The following ADAMTS17 variants were observed in gnomAD, a reference collection of about 807,000 sequenced individuals.
ADAMTS17 encodes A disintegrin and metalloproteinase with thrombospondin motifs 17.
In ADAMTS17, 113 loss-of-function variants were observed where a neutral mutation model predicts 141.5. That is an observed-to-expected ratio of 0.80 (90% CI 0.69 to 0.93). ADAMTS17 has a LOEUF of 0.93. Among genes scored for constraint, ADAMTS17 ranks in the 40% least tolerant of loss-of-function variants. ADAMTS17 has a pLI of 0.00. For synonymous variants in ADAMTS17, 768 were observed against 630.6 expected (o/e 1.22, Z -3.27); for missense variants, 1,659 against 1,517.9 (o/e 1.09, Z -1.54).
chr15:100,283,962 C>T (rs1016588282), intron 3 of ADAMTS17, among the ~76,000 whole-genome samples: 2 of 152,082 alleles, frequency 1.3e-5, no homozygotes, highest in African/African-American at 2.4e-5. Context: ...AAAAATTAGC[C>T]AGGCATGGTG....
chr15:100,113,239 T>G (rs929169676), intron 13 of ADAMTS17, among the ~76,000 whole-genome samples: 1 of 152,204 alleles, frequency 6.6e-6, no homozygotes, highest in Non-Finnish European at 1.5e-5. Context: ...CTGCTCGTGG[T>G]TGACGGATCC....
chr15:100,199,140 G>T (rs2041227062), intron 8 of ADAMTS17, among the ~76,000 whole-genome samples, 178 bp downstream of exon 8: 1 of 149,724 alleles, frequency 6.7e-6, no homozygotes, highest in Non-Finnish European at 1.5e-5. Flanking sequence ...GCCAATCGGT[G>T]CAGTCATCTC....
At position 99,997,437 on chromosome 15, in the gene ADAMTS17, C is replaced by G; in HGVS notation, c.2744G>C (p.Ser915Thr). The G allele has an allele frequency of 6.2e-7, 1 of 1,613,726 alleles. No homozygotes were observed. Among genetic ancestry groups the G allele is most frequent in the Non-Finnish European group, 8.5e-7 (1 of 1,180,010 alleles). Residue 915 changes from serine (S) to threonine (T), a missense_variant, in exon 19 of 22, where the codon AGC (serine) becomes ACC (threonine). By Grantham distance (58) the Ser-to-Thr change is moderately conservative (BLOSUM62 1). Transcript: ENST00000268070. This position sits in a 1 kb window ranked among gnomAD's most constrained non-coding sequence, Gnocchi z 4.7. Reference sequence around the variant, plus strand: ...GGACAGGCAGTCCTGGCCTTCACAGCTCTGCACTGCCGCCGGCCGGGGGCC... The same window carrying G: ...GGACAGGCAGTCCTGGCCTTCACAGGTCTGCACTGCCGCCGGCCGGGGGCC... The part of the protein sequence containing the change: ...CPGPRPAAVQ[S>T]CEGQDCLSIW...
chr15:100,072,246 G>A (rs2034026578), intron 15 of ADAMTS17, among the ~76,000 whole-genome samples: 1 of 147,728 alleles, frequency 6.8e-6, no homozygotes, highest in Admixed American at 6.8e-5. Context: ...ACTGCTCAAT[G>A]AAATAAAAGA....
At chr15:100,097,368 G>A (rs1596412608) in intron 14 of ADAMTS17, among the ~76,000 whole-genome samples, 1 of 152,152 alleles carries the variant, frequency 6.6e-6, no homozygotes, top group African/African-American at 2.4e-5. Flanking sequence ...GACTCCAAAG[G>A]GATCTACAGC....
At chr15:100,333,744 CAG>C (rs1200630842) in intron 2 of ADAMTS17, among the ~76,000 whole-genome samples, 4 of 152,204 alleles carry the variant, frequency 2.6e-5, no homozygotes, top group Non-Finnish European at 5.9e-5. Flanking sequence ...AAGGGAGACT[CAG>C]GGAAATGTTT....
chr15:100,088,665 G>C (rs545910250), intron 15 of ADAMTS17, among the ~76,000 whole-genome samples: 1 of 152,104 alleles, frequency 6.6e-6, no homozygotes, highest in South Asian at 2.1e-4. Context: ...GAACAGAACA[G>C]AGCCCTCAGA....
chr15:100,059,405 G>C (rs924848129), intron 15 of ADAMTS17, among the ~76,000 whole-genome samples: 2 of 152,038 alleles, frequency 1.3e-5, no homozygotes, highest in African/African-American at 4.8e-5. Context: ...CCGGGGAGAG[G>C]AAAACACAGG....
At chr15:100,000,700 G>A (rs2060903294) in intron 18 of ADAMTS17, among the ~76,000 whole-genome samples, 1 of 151,896 alleles carries the variant, frequency 6.6e-6, no homozygotes, top group Admixed American at 6.6e-5. Context: ...TTTTAGTAGA[G>A]ACGGGTTTCA....
intron 7 of ADAMTS17, among the ~76,000 whole-genome samples, chr15:100,228,747 A>T (rs1296128952): frequency 6.6e-6 from 1 of 152,176 alleles, no homozygotes; most frequent in East Asian, 1.9e-4. Flanking sequence ...TGCCACAGCA[A>T]TGCTCTGCCT....
At chr15:100,229,749 T>C (rs1303263232) in intron 7 of ADAMTS17, among the ~76,000 whole-genome samples, 1 of 152,180 alleles carries the variant, frequency 6.6e-6, no homozygotes, top group Non-Finnish European at 1.5e-5. Flanking sequence ...AACTGCAAAG[T>C]TCCCTCTCCC....
intron 12 of ADAMTS17, among the ~76,000 whole-genome samples, chr15:100,121,443 CAA>C (rs1170635458): frequency 6.6e-6 from 1 of 151,994 alleles, no homozygotes; most frequent in Non-Finnish European, 1.5e-5. Context: ...TTGAAAGCAC[CAA>C]GAGAGAAGTG....
chr15:100,331,023 A>T lies in ADAMTS17; in HGVS notation c.482T>A (p.Val161Glu). ...GGAGTTGTTGAGGGGCTGGATTAGCACCTGCTCCTGCCCAAGCTGAATGAG... is the reference window on the plus strand; with the variant it reads ...GGAGTTGTTGAGGGGCTGGATTAGCTCCTGCTCCTGCCCAAGCTGAATGAG... The part of the protein sequence containing the change: ...VGLIQLGQEQ[V>E]LIQPLNNSQG... The change falls in exon 3 of 22, where the codon GTG (valine) becomes GAG (glutamate). Residue 161 changes from valine to glutamate, a missense_variant. Physicochemically the swap from Val to Glu is moderately radical, Grantham distance 121. Coordinates refer to ENST00000268070, the MANE Select transcript of ADAMTS17 (RefSeq NM_139057.4). The T allele has an allele frequency of 6.2e-7, 1 of 1,614,100 alleles. No individual in the cohort carries two copies. The highest frequency in any genetic ancestry group is 8.5e-7 in the Non-Finnish European group (1 of 1,180,046).
chr15:100,329,978 AAAGAT>A (rs1412958617), intron 3 of ADAMTS17, among the ~76,000 whole-genome samples: 1 of 152,226 alleles, frequency 6.6e-6, no homozygotes, highest in East Asian at 1.9e-4. Context: ...ATTTTCATAC[AAAGAT>A]AAGTCTTTAA....
In ADAMTS17 at chr15:99,991,619, C is replaced by T. The variant is rs1386536141; in HGVS notation, c.2949+1429G>A. ...CATTGTGAAAGACAGTGTGGCGATTCCTCAAGGATCTAGAACCAGAAATAC... is the reference window on the plus strand; with the variant it reads ...CATTGTGAAAGACAGTGTGGCGATTTCTCAAGGATCTAGAACCAGAAATAC... On this transcript the variant is annotated intron_variant, in intron 20 of 21. Coordinates refer to ENST00000268070, the MANE Select transcript of ADAMTS17 (RefSeq NM_139057.4). 3.3e-5 allele frequency among the ~76,000 whole-genome samples: 5 copies of T among 152,192 alleles called. 1 individual carries two copies. The highest frequency in any genetic ancestry group is 1.3e-4 in the Admixed American group (2 of 15,284).
chr15:100,009,232 G>C (rs1180689504), intron 18 of ADAMTS17, among the ~76,000 whole-genome samples: 1 of 152,160 alleles, frequency 6.6e-6, no homozygotes, highest in African/African-American at 2.4e-5. Flanking sequence ...CCTTTACAGA[G>C]GGAGAAAACA....
rs997347931 is a variant in ADAMTS17, at chr15:99,993,491, G to A, written c.2797-291C>T. ...GAGTGGAATTCAGTGGCCACTTGTCGGGTCCAAAAGCTCAAGGCAATACGT... is the reference window on the plus strand; with the variant it reads ...GAGTGGAATTCAGTGGCCACTTGTCAGGTCCAAAAGCTCAAGGCAATACGT... On this transcript the variant is annotated intron_variant, in intron 19 of 21. Transcript: ENST00000268070. This position sits in a 1 kb window ranked among gnomAD's most constrained non-coding sequence, Gnocchi z 4.3. Among the ~76,000 whole-genome samples, 46 of 152,098 alleles carry A rather than the reference G, an allele frequency of 3.0e-4. No homozygotes were observed. Among genetic ancestry groups the A allele is most frequent in the African/African-American group, 9.7e-4 (40 of 41,420 alleles).
In ADAMTS17 at chr15:99,997,335, C is replaced by T. The variant is rs371076042; in HGVS notation, c.2796+50G>A. 4.4e-6 allele frequency: 7 copies of T among 1,600,240 alleles called. No individual in the cohort carries two copies. The highest frequency in any genetic ancestry group is 1.7e-5 in the Admixed American group (1 of 59,986). On this transcript the variant is annotated intron_variant, in intron 19 of 21. Coordinates refer to ENST00000268070, the MANE Select transcript of ADAMTS17 (RefSeq NM_139057.4). This position sits in a 1 kb window ranked among gnomAD's most constrained non-coding sequence, Gnocchi z 4.7. ...CAGAATGTCACCAATACCATGGCAC[C>T]GTGTTGGAGTCCCTGTGGCTGAGTC... is the stretch of plus-strand genomic sequence containing the variant.
At chr15:100,261,707 A>C in intron 5 of ADAMTS17, 71 bp from the exon 6 acceptor site, 14 of 1,523,380 alleles carry the variant, frequency 9.2e-6, no homozygotes, top group Non-Finnish European at 1.3e-5. Flanking sequence ...AGACTATGAC[A>C]AGGACGTTAA....
Sources: allele counts gnomAD v4.1 joint callset (sites outside exome capture counted in the v4.1 genomes callset), GRCh38; gene constraint gnomAD v4.1.1; non-coding constraint Gnocchi (gnomAD v3.1); transcripts MANE v1.5; gene names NCBI Gene and HGNC (gene_info 2026-07-23, HGNC 2026-07-21).